The following RIPOR2 variants were observed in gnomAD, a reference collection of about 807,000 sequenced individuals.
RIPOR2 encodes RHO family interacting cell polarization regulator 2.
Under a neutral mutation model 114.5 loss-of-function variants are expected in RIPOR2, and 39 were observed. That is an observed-to-expected ratio of 0.34 (90% CI 0.26 to 0.44). RIPOR2 has a LOEUF of 0.44. Ranked by LOEUF, RIPOR2 falls within the 20% of genes least tolerant of loss-of-function variation. The pLI, the probability that RIPOR2 is intolerant of heterozygous loss-of-function variation, is 1.00. For missense variants in RIPOR2, 1,007 were observed against 1,255.1 expected (o/e 0.80, Z 2.99); for synonymous variants, 445 against 484.4 (o/e 0.92, Z 1.07).
At position 24,969,989 on chromosome 6, in the gene RIPOR2, T is replaced by C. The variant is rs1026722522; in HGVS notation, c.76+71862A>G. Among the ~76,000 whole-genome samples the C allele has an allele frequency of 2.0e-5, 3 of 152,086 alleles. No individual in the cohort carries two copies. In the East Asian group the frequency reaches 5.8e-4, roughly 29 times the overall value. Reference sequence around the variant, plus strand: ...AGCTGTTCAATAAATATTTGTTGAATAAACAAAATAAATGAGTCTGGGGAT... The same window carrying C: ...AGCTGTTCAATAAATATTTGTTGAACAAACAAAATAAATGAGTCTGGGGAT... On this transcript the variant is annotated intron_variant, in intron 1 of 13. Coordinates refer to the RIPOR2 transcript ENST00000510784.
intron 17 of RIPOR2, 54 bp downstream of exon 17, chr6:24,830,455 A>C: frequency 6.7e-7 from 1 of 1,484,530 alleles, no homozygotes; most frequent in Non-Finnish European, 9.1e-7. Flanking sequence ...CCCCACCCCA[A>C]TGCCCACTCT....
At chr6:24,959,285 A>G (rs538829564) in intron 1 of RIPOR2, among the ~76,000 whole-genome samples, 2 of 152,214 alleles carry the variant, frequency 1.3e-5, no homozygotes, top group Non-Finnish European at 2.9e-5. Context: ...ATATCTTTTT[A>G]TGGGGACAAA....
intron 1 of RIPOR2, among the ~76,000 whole-genome samples, chr6:25,001,608 G>A (rs1458303199): frequency 9.1e-6 from 1 of 109,606 alleles, no homozygotes; most frequent in Non-Finnish European, 1.7e-5. Flanking sequence ...CTGGGCGACA[G>A]AGCGAGACTT....
At chr6:25,002,037 T>C (rs1775345900) in intron 1 of RIPOR2, among the ~76,000 whole-genome samples, 1 of 152,158 alleles carries the variant, frequency 6.6e-6, no homozygotes, top group African/African-American at 2.4e-5. Context: ...GATGCAACTA[T>C]TCAGCTCTAC....
At chr6:24,932,147 T>C (rs537153368) in intron 1 of RIPOR2, 20 of 152,300 alleles carry the variant, frequency 1.3e-4, no homozygotes, top group African/African-American at 4.3e-4. Context: ...AGCCCTTTAA[T>C]TTGATAAGTT....
intron 1 of RIPOR2, among the ~76,000 whole-genome samples, chr6:24,985,029 C>T (rs2113597921): frequency 6.6e-6 from 1 of 152,368 alleles, no homozygotes; most frequent in East Asian, 1.9e-4. Context: ...AATAAAAGAG[C>T]ACTGGACTTG....
chr6:24,826,679 T>A (rs1760216008), intron 18 of RIPOR2, among the ~76,000 whole-genome samples: 1 of 152,164 alleles, frequency 6.6e-6, no homozygotes, highest in Non-Finnish European at 1.5e-5. Flanking sequence ...TTAGTATACA[T>A]TCAAATGCGG....
chr6:24,943,705 C>T (rs1772261949), intron 1 of RIPOR2, among the ~76,000 whole-genome samples: 1 of 152,002 alleles, frequency 6.6e-6, no homozygotes. Context: ...TCTGTGGTAG[C>T]CTTGAAAATC....
intron 1 of RIPOR2, among the ~76,000 whole-genome samples, chr6:25,035,392 T>C (rs991464311): frequency 6.6e-6 from 1 of 152,194 alleles, no homozygotes; most frequent in Non-Finnish European, 1.5e-5. Context: ...TCCTGGTATA[T>C]CCTTCTCCAC....
At position 24,825,121 on chromosome 6, in the gene RIPOR2, C is replaced by T. The variant is rs535078409; in HGVS notation, c.2868+105G>A. The T allele has an allele frequency of 5.1e-4, 425 of 834,716 alleles. 2 individuals are homozygous for T. In the African/African-American group the frequency reaches 5.7e-3, roughly 11 times the overall value. The allele number at this position is 834,716 out of a possible 1,614,324, so 51.7% of individuals were successfully genotyped here. On this transcript the variant is annotated intron_variant, in intron 19 of 21. Transcript: ENST00000643898. The stretch of plus-strand genomic sequence containing the variant: ...CTTTATGGAGCACACATTATTAATA[C>T]GCAGAAAAATTATTTTTATAAAGGA...
chr6:24,977,617 T>G (rs1774124716), intron 1 of RIPOR2, among the ~76,000 whole-genome samples: 1 of 152,186 alleles, frequency 6.6e-6, no homozygotes, highest in South Asian at 2.1e-4. Context: ...TTTCTAGTTT[T>G]GCTAATAATC....
At chr6:24,892,385 C>T (rs1767450434) in intron 1 of RIPOR2, among the ~76,000 whole-genome samples, 2 of 152,210 alleles carry the variant, frequency 1.3e-5, no homozygotes, top group Admixed American at 1.3e-4. Context: ...ATTCTCTCCC[C>T]TTAGCCTTGT....
intron 4 of RIPOR2, among the ~76,000 whole-genome samples, chr6:24,872,086 T>C (rs1765235038): frequency 6.6e-6 from 1 of 152,218 alleles, no homozygotes; most frequent in African/African-American, 2.4e-5. Flanking sequence ...TAGGACTATG[T>C]TGAGTTTTCT....
Position 25,028,330 on chromosome 6 carries a change from G to T in RIPOR2, c.76+13521C>A, listed in dbSNP as rs1776726292. Among the ~76,000 whole-genome samples, 4 of 152,292 alleles carry T rather than the reference G, an allele frequency of 2.6e-5. No individual in the cohort carries two copies. In the South Asian group the frequency reaches 8.3e-4, roughly 32 times the overall value. ...GTAGGGTGCATTTTCTGAATAGAGAGGGTGGCCACTGGAAGAACCATAAAA... is the reference window on the plus strand; with the variant it reads ...GTAGGGTGCATTTTCTGAATAGAGATGGTGGCCACTGGAAGAACCATAAAA... On this transcript the variant is annotated intron_variant, in intron 1 of 13. Coordinates refer to the RIPOR2 transcript ENST00000510784.
chr6:25,003,673 T>C (rs1581938094), intron 1 of RIPOR2, among the ~76,000 whole-genome samples: 1 of 152,236 alleles, frequency 6.6e-6, no homozygotes, highest in Non-Finnish European at 1.5e-5. Flanking sequence ...TCAAGCTATC[T>C]GCCCACCTTG....
intron 1 of RIPOR2, among the ~76,000 whole-genome samples, chr6:24,885,630 C>A (rs1007668429): frequency 1.3e-5 from 2 of 152,208 alleles, no homozygotes; most frequent in African/African-American, 4.8e-5. Flanking sequence ...GGTTCTACAG[C>A]TACAGCTGTT....
chr6:24,872,791 T>C, intron 4 of RIPOR2, 90 bp downstream of exon 4: 1 of 854,460 alleles, frequency 1.2e-6, no homozygotes, highest in Admixed American at 1.9e-5. Context: ...TCTGCTTTTC[T>C]CAAACATTCC....
At chr6:24,884,755 C>T (rs967914059) in intron 1 of RIPOR2, among the ~76,000 whole-genome samples, 1 of 152,124 alleles carries the variant, frequency 6.6e-6, no homozygotes, top group Admixed American at 6.5e-5. Context: ...AAAGCTTCAT[C>T]CAATCTAACA....
chr6:24,904,920 G>A (rs113843420), intron 1 of RIPOR2, among the ~76,000 whole-genome samples: 8 of 152,176 alleles, frequency 5.3e-5, no homozygotes, highest in African/African-American at 1.2e-4. Context: ...GATTACAGGC[G>A]TATACCACCG....
Sources: allele counts gnomAD v4.1 joint callset (sites outside exome capture counted in the v4.1 genomes callset), GRCh38; gene constraint gnomAD v4.1.1; transcripts MANE v1.5; gene names NCBI Gene and HGNC (gene_info 2026-07-23, HGNC 2026-07-21).